Variants in MCC observed in about 807,000 individuals in gnomAD.
MCC encodes the protein MCC regulator of Wnt signaling pathway.
A neutral mutation model predicts 116.2 loss-of-function variants in MCC; 90 were observed. The observed-to-expected ratio is 0.77, with a 90% CI of 0.65 to 0.92. The LOEUF is 0.92. Among genes scored for constraint, MCC ranks in the 40% least tolerant of loss-of-function variants. The pLI, the probability that MCC is intolerant of heterozygous loss-of-function variation, is 0.00. For synonymous variants in MCC, 578 were observed against 510.5 expected, an observed-to-expected ratio of 1.13 and a Z score of -1.78; for missense variants, 1,516 against 1,312.2, an observed-to-expected ratio of 1.16 and a Z score of -2.40.
intron 1 of MCC, among the ~76,000 whole-genome samples, chr5:113,421,243 C>A (rs1224764109): frequency 6.6e-6 from 1 of 151,956 alleles, no homozygotes; most frequent in Non-Finnish European, 1.5e-5. Context: ...TCAGGCTGGT[C>A]CTGAACTCCT....
intron 2 of MCC, among the ~76,000 whole-genome samples, chr5:113,358,852 T>C (rs1277148874): frequency 2.0e-5 from 3 of 152,180 alleles, no homozygotes; most frequent in Non-Finnish European, 4.4e-5. Flanking sequence ...CATTTATTAA[T>C]GTCAATGCTT....
At chr5:113,454,687 A>G (rs897575075) in intron 1 of MCC, among the ~76,000 whole-genome samples, 4 of 152,244 alleles carry the variant, frequency 2.6e-5, no homozygotes, top group African/African-American at 9.6e-5. Context: ...CTCTATAAGG[A>G]CAGACTTAAA....
chr5:113,409,576 T>C (rs1161223463), intron 1 of MCC, among the ~76,000 whole-genome samples: 2 of 152,136 alleles, frequency 1.3e-5, no homozygotes, highest in Non-Finnish European at 2.9e-5. Flanking sequence ...GCTCTTGAAC[T>C]CCTGAGCTCA....
intron 3 of MCC, among the ~76,000 whole-genome samples, chr5:113,215,045 C>T (rs915313338): frequency 2.1e-5 from 3 of 145,134 alleles, no homozygotes; most frequent in East Asian, 1.9e-4. Flanking sequence ...TTACCTGGAA[C>T]ACAATCCTCA....
intron 1 of MCC, among the ~76,000 whole-genome samples, chr5:113,440,941 C>G (rs1250368955): frequency 2.0e-5 from 3 of 152,212 alleles, no homozygotes; most frequent in Non-Finnish European, 4.4e-5. Context: ...GTGTTCATAG[C>G]ATTTTCTCCT....
chr5:113,202,800 A>AC (rs1246660261), intron 3 of MCC, among the ~76,000 whole-genome samples: 260 of 151,400 alleles, frequency 1.7e-3, no homozygotes, highest in African/African-American at 6.1e-3. Flanking sequence ...AAAAAAAAAA[A>AC]AAAACTTTTT....
At chr5:113,417,746 T>G (rs181521152) in intron 1 of MCC, among the ~76,000 whole-genome samples, 1 of 152,012 alleles carries the variant, frequency 6.6e-6, no homozygotes, top group East Asian at 1.9e-4. Context: ...CTGGGCAACA[T>G]GGTGAAACCC....
intron 3 of MCC, among the ~76,000 whole-genome samples, chr5:113,160,543 A>G (rs1760425883): frequency 6.6e-6 from 1 of 152,246 alleles, no homozygotes; most frequent in Admixed American, 6.5e-5. Flanking sequence ...AGTAAGTAAC[A>G]GAGCCAGAAT....
chr5:113,488,424 C>G lies in MCC; in HGVS notation c.-10G>C. 1.4e-6 allele frequency: 2 copies of G among 1,405,408 alleles called. No homozygotes were observed. Among genetic ancestry groups the G allele is most frequent in the South Asian group, 1.8e-5 (1 of 56,472 alleles). 87.1% of individuals were successfully genotyped at this position (1,405,408 alleles called of 1,614,324 possible). On this transcript the variant is annotated 5_prime_UTR_variant, in exon 1 of 19. Transcript: ENST00000408903. The stretch of plus-strand genomic sequence containing the variant: ...CCGCGGCCGCCATCATGCGCCCGCT[C>G]CCTACTTGGGAGGAGGAGTACGCGC...
chr5:113,327,304 C>A (rs998294539), intron 3 of MCC, among the ~76,000 whole-genome samples: 1 of 151,564 alleles, frequency 6.6e-6, no homozygotes, highest in Non-Finnish European at 1.5e-5. Flanking sequence ...CCCAGCACTT[C>A]GGGAGGCCGA....
intron 6 of MCC, among the ~76,000 whole-genome samples, chr5:113,107,397 T>C (rs997008958): frequency 9.9e-5 from 15 of 152,132 alleles, no homozygotes; most frequent in African/African-American, 3.6e-4. Flanking sequence ...TTTATATTTT[T>C]AGTGGAGACG....
intron 2 of MCC, among the ~76,000 whole-genome samples, chr5:113,348,486 A>G (rs1768185775): frequency 6.6e-6 from 1 of 152,126 alleles, no homozygotes; most frequent in Admixed American, 6.5e-5. Flanking sequence ...TGAAGAAAAT[A>G]AGAAAGAAAT....
chr5:113,093,333 G>C (rs1755773287), intron 8 of MCC, among the ~76,000 whole-genome samples: 1 of 152,204 alleles, frequency 6.6e-6, no homozygotes, highest in Non-Finnish European at 1.5e-5. Context: ...TACTCAGGCA[G>C]CTTGCTATGC....
intron 3 of MCC, among the ~76,000 whole-genome samples, chr5:113,307,963 C>T (rs1767029747): frequency 6.6e-6 from 1 of 151,578 alleles, no homozygotes; most frequent in Non-Finnish European, 1.5e-5. Flanking sequence ...CTCCATTTGC[C>T]TGTCTAAATC....
intron 8 of MCC, among the ~76,000 whole-genome samples, chr5:113,097,669 TGTGAG>T (rs1756110464): frequency 6.6e-6 from 1 of 152,234 alleles, no homozygotes; most frequent in South Asian, 2.1e-4. Flanking sequence ...CTAAAAGAGA[TGTGAG>T]GGAAAACATA....
intron 6 of MCC, among the ~76,000 whole-genome samples, chr5:113,110,550 C>T (rs542611278): frequency 1.3e-5 from 2 of 152,342 alleles, no homozygotes; most frequent in East Asian, 1.9e-4. Context: ...CATATGGTTT[C>T]TTCTTATGTT....
In MCC at chr5:113,071,152, T is replaced by A. The variant is rs778583537; in HGVS notation, c.1867A>T (p.Met623Leu). The change falls in exon 12 of 19, where the codon ATG becomes TTG. Residue 623 changes from methionine (M) to leucine (L), a missense_variant. Met to Leu is a conservative substitution (Grantham distance 15, BLOSUM62 2). Transcript: ENST00000408903. Reference sequence around the variant, plus strand: ...TTGGATTCGTATTTTCCCACCAGCATGCTCATCCTCTCGGCATTGCTTTTA... The same window carrying A: ...TTGGATTCGTATTTTCCCACCAGCAAGCTCATCCTCTCGGCATTGCTTTTA... ...ECKSNAERMS[M>L]LVGKYESNAT... is the part of the protein sequence containing the mutation. The A allele has an allele frequency of 3.1e-6, 5 of 1,614,112 alleles. No individual in the cohort carries two copies. In the African/African-American group the frequency reaches 4.0e-5, roughly 13 times the overall value.
chr5:113,095,664 G>A (rs7708596), intron 8 of MCC, among the ~76,000 whole-genome samples: 16,261 of 151,472 alleles, frequency 0.11, 2,121 homozygotes, highest in African/African-American at 0.31. Flanking sequence ...GACTATGGGT[G>A]CACACCATCA....
intron 17 of MCC, among the ~76,000 whole-genome samples, chr5:113,038,898 G>A (rs115966516): frequency 7.5e-4 from 115 of 152,338 alleles, no homozygotes; most frequent in African/African-American, 2.1e-3. Flanking sequence ...CCTTAACGTG[G>A]CATTTTACAG....
Sources: allele counts gnomAD v4.1 joint callset (sites outside exome capture counted in the v4.1 genomes callset), GRCh38; gene constraint gnomAD v4.1.1; transcripts MANE v1.5; gene names NCBI Gene and HGNC (gene_info 2026-07-23, HGNC 2026-07-21).